WASHC2A: variants seen among roughly 807,000 people sequenced by gnomAD.
WASHC2A encodes the protein WASH complex subunit 2A.
A neutral mutation model predicts 140.3 loss-of-function variants in WASHC2A; 82 were observed. That is an observed-to-expected ratio of 0.58 (90% confidence interval 0.49 to 0.70). The LOEUF is 0.70. Ranked by LOEUF, WASHC2A falls within the 30% of genes least tolerant of loss-of-function variation. The probability of loss-of-function intolerance (pLI) is 0.00; values close to 1 mark genes in which losing one functional copy is unlikely to be tolerated. For synonymous variants in WASHC2A, 340 were observed against 560.8 expected (o/e 0.61, Z 5.56); for missense variants, 985 against 1,521.8 (o/e 0.65, Z 5.87).
chr10:50,121,549 A>G (rs1843020202), intron 23 of WASHC2A, among the ~76,000 whole-genome samples: 1 of 150,730 alleles, frequency 6.6e-6, no homozygotes, highest in Non-Finnish European at 1.5e-5. Context: ...ACCCACCACC[A>G]TGCCCAGCTA....
intron 21 of WASHC2A, among the ~76,000 whole-genome samples, chr10:50,114,521 A>G (rs1842534198): frequency 7.8e-6 from 1 of 128,448 alleles, no homozygotes; most frequent in South Asian, 2.6e-4. Context: ...TGAAAAACAT[A>G]CTGCAGGCCA....
At chr10:50,103,942 A>C in intron 17 of WASHC2A, 100 bp from the exon 18 acceptor site, 1 of 1,122,822 alleles carries the variant, frequency 8.9e-7, no homozygotes, top group Non-Finnish European at 1.3e-6. Context: ...GCCTAGACAC[A>C]TGGCAGCTGT....
chr10:50,069,649 T>A lies in WASHC2A; in HGVS notation c.229T>A (p.Cys77Ser). The A allele has an allele frequency of 1.2e-6, 2 of 1,614,004 alleles. No homozygotes were observed. The highest frequency in any genetic ancestry group is 2.2e-5 in the East Asian group (1 of 44,882). Residue 77 changes from cysteine (C) to serine (S), a missense_variant, in exon 3 of 31, where the codon TGT (cysteine) becomes AGT (serine). Coordinates refer to ENST00000282633, the MANE Select transcript of WASHC2A (RefSeq NM_001005751.3). ...AATTCGGGAAACCAAAGCCACAGAT[T>A]GTCGCCTGCATAATGTCTTCAATGA... ...GLIRETKATD[C>S]RLHNVFNDFL... is the part of the protein sequence containing the mutation.
At chr10:50,072,591 AT>A (rs1421692360) in intron 3 of WASHC2A, among the ~76,000 whole-genome samples, 1 of 136,614 alleles carries the variant, frequency 7.3e-6, no homozygotes, top group Non-Finnish European at 1.5e-5. Context: ...GGTTCACGCC[AT>A]TCTCCTGACT....
At position 50,090,809 on chromosome 10, in the gene WASHC2A, G is replaced by A. The variant is rs1340966189; in HGVS notation, c.766G>A (p.Asp256Asn). ...ACAAATGAGTGATGAGGAAGAGGAT[G>A]ATGATGGCTGTGACCTTTTCGCTGA... The part of the protein sequence containing the change: ...TTQMSDEEED[D>N]DGCDLFADSE... The change falls in exon 9 of 31, where the codon GAT (aspartate) becomes AAT (asparagine). Residue 256 changes from aspartate to asparagine, a missense_variant. Transcript: ENST00000282633. The A allele has an allele frequency of 1.6e-5, 25 of 1,611,486 alleles. No homozygotes were observed. In the African/African-American group the frequency reaches 2.9e-4, roughly 19 times the overall value.
At position 50,103,491 on chromosome 10, in the gene WASHC2A, C is replaced by G. The variant is rs1479560428; in HGVS notation, c.1636-551C>G. ...AGGAGAATGGCGTGAATCCGGGAGG[C>G]GGAGCTTTCAGTGAGCCGAGATTGC... is the stretch of plus-strand genomic sequence containing the variant. On this transcript the variant is annotated intron_variant, in intron 17 of 30. Transcript: ENST00000282633. Among the ~76,000 whole-genome samples, 250 of 152,104 alleles carry G rather than the reference C, an allele frequency of 1.6e-3. 1 individual carries two copies. Among genetic ancestry groups the G allele is most frequent in the African/African-American group, 5.2e-3 (217 of 41,474 alleles).
chr10:50,095,046 T>G (rs1840337330), intron 13 of WASHC2A, 102 bp from the exon 14 acceptor site: 1 of 1,596,546 alleles, frequency 6.3e-7, no homozygotes, highest in Non-Finnish European at 8.5e-7. Context: ...TTTCAAAAGG[T>G]CTGATACTAG....
intron 8 of WASHC2A, among the ~76,000 whole-genome samples, chr10:50,089,027 C>T (rs1350196092): frequency 3.4e-5 from 5 of 147,816 alleles, no homozygotes; most frequent in African/African-American, 5.0e-5. Flanking sequence ...TGCAGTGGCA[C>T]GATATTGGTT....
chr10:50,120,982 G>A (rs1188589768), intron 23 of WASHC2A, among the ~76,000 whole-genome samples: 1 of 145,150 alleles, frequency 6.9e-6, no homozygotes, highest in Non-Finnish European at 1.5e-5. Flanking sequence ...GGCATAGGAG[G>A]AAGCTTAATG....
chr10:50,129,072 A>G (rs1843697104), intron 28 of WASHC2A, among the ~76,000 whole-genome samples: 1 of 152,130 alleles, frequency 6.6e-6, no homozygotes, highest in Admixed American at 6.5e-5. Flanking sequence ...AGGGTAGAGT[A>G]GGGGCCAAGG....
chr10:50,094,052 A>T (rs72551041), intron 13 of WASHC2A, 135 bp downstream of exon 13: 191,789 of 1,375,018 alleles, frequency 0.14, 13,378 homozygotes, highest in Middle Eastern at 0.2. Context: ...ACTGTGGTCC[A>T]GTTGAAAGTA....
intron 17 of WASHC2A, among the ~76,000 whole-genome samples, chr10:50,100,850 T>G (rs1841062961): frequency 1.3e-5 from 2 of 152,424 alleles, no homozygotes; most frequent in Non-Finnish European, 2.9e-5. Flanking sequence ...GAACCACCTC[T>G]CAGAATTTCA....
At chr10:50,105,866 T>C (rs1359166214) in intron 18 of WASHC2A, among the ~76,000 whole-genome samples, 1 of 147,598 alleles carries the variant, frequency 6.8e-6, no homozygotes, top group Non-Finnish European at 1.5e-5. Context: ...CAGGTGTATG[T>C]CTTTCTGACC....
chr10:50,119,823 T>G (rs1842892290), intron 23 of WASHC2A, 54 bp downstream of exon 23: 2 of 1,600,038 alleles, frequency 1.2e-6, no homozygotes, highest in Non-Finnish European at 1.7e-6. Flanking sequence ...AAGACTCTCA[T>G]CTCATGGTTG....
At position 50,091,469 on chromosome 10, in the gene WASHC2A, T is replaced by C; in HGVS notation, c.882T>C (p.Ala294=). Residue 294 remains alanine, a synonymous_variant, in exon 10 of 31, where the codon GCT becomes GCC. Transcript: ENST00000282633. Reference sequence around the variant, plus strand: ...CTACATCGTTTGCAGATGAGCTGGCTGCCCGCATCAAGGGGGATGCCGTGG... The same window carrying C: ...CTACATCGTTTGCAGATGAGCTGGCCGCCCGCATCAAGGGGGATGCCGTGG... ...SRPTSFADEL[A]ARIKGDAVGR... 2 of 1,550,810 alleles carry C rather than the reference T, an allele frequency of 1.3e-6. No individual in the cohort carries two copies. Among genetic ancestry groups the C allele is most frequent in the Non-Finnish European group, 1.7e-6 (2 of 1,147,300 alleles).
intron 3 of WASHC2A, among the ~76,000 whole-genome samples, chr10:50,077,167 G>A (rs1320574668): frequency 1.3e-5 from 2 of 150,740 alleles, no homozygotes; most frequent in South Asian, 2.1e-4. Flanking sequence ...GGTGGTGCCC[G>A]CCTGTAATCC....
At chr10:50,095,484 G>A in intron 14 of WASHC2A, 115 bp from the exon 15 acceptor site, 3 of 1,413,814 alleles carry the variant, frequency 2.1e-6, no homozygotes, top group Non-Finnish European at 2.9e-6. Flanking sequence ...GCCCTGTTAT[G>A]CATTTTGTGG....
In WASHC2A at chr10:50,091,498, G is replaced by C. The variant is rs1384907560; in HGVS notation, c.911G>C (p.Arg304Pro). The part of the protein sequence containing the change: ...AARIKGDAVG[R>P]VDEEPTTLPS... ...CGCATCAAGGGGGATGCCGTGGGTC[G>C]AGTGGACGAGGAGCCGACAAGTGAG... is the stretch of plus-strand genomic sequence containing the variant. Residue 304 changes from arginine (R) to proline (P), a missense_variant, in exon 10 of 31, where the codon CGA (arginine) becomes CCA (proline). Coordinates refer to ENST00000282633, the MANE Select transcript of WASHC2A (RefSeq NM_001005751.3). The C allele has an allele frequency of 1.3e-6, 2 of 1,550,136 alleles. No individual in the cohort carries two copies. The highest frequency in any genetic ancestry group is 4.9e-5 in the East Asian group (2 of 41,088).
intron 23 of WASHC2A, among the ~76,000 whole-genome samples, chr10:50,120,049 G>C (rs1307097369): frequency 7.3e-6 from 1 of 137,066 alleles, no homozygotes; most frequent in East Asian, 2.7e-4. Context: ...GCCAGTTGTG[G>C]GATGTAAACA....
Sources: allele counts gnomAD v4.1 joint callset (sites outside exome capture counted in the v4.1 genomes callset), GRCh38; gene constraint gnomAD v4.1.1; transcripts MANE v1.5; gene names NCBI Gene and HGNC (gene_info 2026-07-23, HGNC 2026-07-21).